The following HSPA4L variants were observed in gnomAD, a reference collection of about 807,000 sequenced individuals.
HSPA4L encodes the protein heat shock protein family A (Hsp70) member 4 like.
A neutral mutation model predicts 100.3 loss-of-function variants in HSPA4L; 48 were observed. The ratio of observed to expected loss-of-function variants is 0.48; its 90% CI spans 0.38 to 0.61. The LOEUF is 0.61. HSPA4L is among the 20% of genes least tolerant of loss of function. HSPA4L has a pLI of 0.00. For synonymous variants in HSPA4L, 319 were observed against 328.2 expected (o/e 0.97, Z 0.30); for missense variants, 886 against 988.6 (o/e 0.90, Z 1.39).
intron 4 of HSPA4L, among the ~76,000 whole-genome samples, 191 bp from the exon 5 acceptor site, chr4:127,800,947 C>T (rs896966541): frequency 2.0e-5 from 3 of 152,074 alleles, no homozygotes; most frequent in African/African-American, 7.2e-5. Context: ...AATTAGTATT[C>T]ATACTTTAGG....
intron 16 of HSPA4L, 40 bp downstream of exon 16, chr4:127,823,664 CTT>C: frequency 7.6e-7 from 1 of 1,315,508 alleles, no homozygotes; most frequent in Non-Finnish European, 1.1e-6. Context: ...AAACCAGTAA[CTT>C]TTTCTAAAAA....
intron 12 of HSPA4L, among the ~76,000 whole-genome samples, chr4:127,817,151 C>T (rs371631704): frequency 7.9e-5 from 12 of 152,012 alleles, no homozygotes; most frequent in East Asian, 5.8e-4. Flanking sequence ...CTGCAACCTC[C>T]GCCTCCCGGG....
chr4:127,818,207 C>G (rs1733721299), intron 12 of HSPA4L, 118 bp from the exon 13 acceptor site: 8 of 568,018 alleles, frequency 1.4e-5, no homozygotes, highest in Non-Finnish European at 2.5e-5. Context: ...TGAGCTTCTA[C>G]TTAACTGTTT....
At chr4:127,830,070 C>A (rs761091493) in intron 17 of HSPA4L, among the ~76,000 whole-genome samples, 7 of 152,022 alleles carry the variant, frequency 4.6e-5, no homozygotes, top group African/African-American at 7.2e-5. Context: ...AGTGTTCTTA[C>A]ATTCTCTTTC....
At chr4:127,823,708 T>C in intron 16 of HSPA4L, 84 bp downstream of exon 16, 2 of 725,754 alleles carry the variant, frequency 2.8e-6, no homozygotes, top group Non-Finnish European at 4.6e-6. Context: ...TATGTTCTAT[T>C]AATTTTTAAT....
intron 12 of HSPA4L, 30 bp downstream of exon 12, chr4:127,811,666 G>C (rs779913620): frequency 1.4e-6 from 2 of 1,456,598 alleles, no homozygotes; most frequent in Admixed American, 3.5e-5. Flanking sequence ...CAATGTTCTT[G>C]TAATAGATAG....
At position 127,822,956 on chromosome 4, in the gene HSPA4L, G is replaced by T. The variant is rs113495962; in HGVS notation, c.1938+62G>T. 89 of 1,471,300 alleles carry T rather than the reference G, an allele frequency of 6.0e-5. 3 individuals carry two copies. In the African/African-American group the frequency reaches 8.1e-4, roughly 13 times the overall value. 91.1% of individuals were successfully genotyped at this position (1,471,300 alleles called of 1,614,324 possible). On this transcript the variant is annotated intron_variant, in intron 15 of 18. Coordinates refer to ENST00000296464, the MANE Select transcript of HSPA4L (RefSeq NM_014278.4). ...TTTAAAGGTTTACTCGAGAATGCTA[G>T]TACAAATTACATAAATAAATGTACC...
Position 127,826,013 on chromosome 4 carries a change from A to G in HSPA4L, c.2047-1292A>G, listed in dbSNP as rs138303366. ...ACTGGAAATCCCAGCAGTTCCTATT[A>G]TGGATTCTTCTGCTTCAAATATGTA... On this transcript the variant is annotated intron_variant, in intron 16 of 18. Coordinates refer to ENST00000296464, the MANE Select transcript of HSPA4L (RefSeq NM_014278.4). Among the ~76,000 whole-genome samples the G allele has an allele frequency of 3.1e-3, 475 of 152,184 alleles. 4 individuals are homozygous for G. Among genetic ancestry groups the G allele is most frequent in the African/African-American group, 0.011 (459 of 41,538 alleles).
chr4:127,783,461 T>C (rs900749766), intron 1 of HSPA4L: 15 of 1,409,034 alleles, frequency 1.1e-5, no homozygotes, highest in Middle Eastern at 4.2e-4. Flanking sequence ...AGTGATTCTA[T>C]TATGAACGCT....
chr4:127,827,432 A>C lies in HSPA4L; in HGVS notation c.2166+8A>C. ...GAAGCTTATAGAAACAAGGTATTGA[A>C]TTCATAAAGCCAATTGGTGACGATG... On this transcript the variant is annotated splice_region_variant and intron_variant, in intron 17 of 18. Coordinates refer to ENST00000296464, the MANE Select transcript of HSPA4L (RefSeq NM_014278.4). 1.2e-6 allele frequency: 2 copies of C among 1,613,592 alleles called. No individual in the cohort carries two copies. Among genetic ancestry groups the C allele is most frequent in the Non-Finnish European group, 1.7e-6 (2 of 1,179,640 alleles).
chr4:127,811,680 A>G (rs370740409), intron 12 of HSPA4L, 44 bp downstream of exon 12: 49 of 1,370,450 alleles, frequency 3.6e-5, no homozygotes, highest in Non-Finnish European at 5.0e-5. Flanking sequence ...TAGATAGTGT[A>G]TACAGTATAT....
At chr4:127,805,941 C>G in intron 10 of HSPA4L, 148 bp downstream of exon 10, 1 of 496,958 alleles carries the variant, frequency 2.0e-6, no homozygotes, top group Non-Finnish European at 3.5e-6. Flanking sequence ...AATGATATAT[C>G]ACCTATAAAT....
intron 2 of HSPA4L, among the ~76,000 whole-genome samples, chr4:127,794,715 G>A (rs904101031): frequency 6.6e-6 from 1 of 151,942 alleles, no homozygotes; most frequent in Non-Finnish European, 1.5e-5. Context: ...ATATATCTGG[G>A]TCTTATATCT....
upstream of HSPA4L, chr4:127,782,043 C>A: frequency 2.2e-6 from 1 of 454,914 alleles, no homozygotes. Flanking sequence ...TACTGCCGAG[C>A]GAGGGCGAGC....
intron 16 of HSPA4L, among the ~76,000 whole-genome samples, chr4:127,825,139 CAAA>C (rs879803466): frequency 8.6e-6 from 1 of 116,300 alleles, no homozygotes; most frequent in South Asian, 2.7e-4. Flanking sequence ...GACTCCATCT[CAAA>C]AAAAAAAAAA....
At position 127,833,980 on chromosome 4, in the gene HSPA4L, A is replaced by G. The variant is rs1734149389; in HGVS notation, c.*1106A>G. On this transcript the variant is annotated 3_prime_UTR_variant, in exon 19 of 19. Coordinates refer to ENST00000296464, the MANE Select transcript of HSPA4L (RefSeq NM_014278.4). ...TTACATAGTGTTGTGTGATTAAATT[A>G]TAGTTCCTGCTGTTAACATTACCTT... is the stretch of plus-strand genomic sequence containing the variant. 1.3e-5 allele frequency: 2 copies of G among 152,188 alleles called. No individual in the cohort carries two copies. Among genetic ancestry groups the G allele is most frequent in the South Asian group, 4.1e-4 (2 of 4,832 alleles). 9.4% of individuals were successfully genotyped at this position (152,188 alleles called of 1,614,324 possible). A position where few individuals can be genotyped will look rare whatever the true frequency, so the allele number is the denominator to read the frequency against.
chr4:127,825,918 C>T (rs985313515), intron 16 of HSPA4L, among the ~76,000 whole-genome samples: 7 of 142,156 alleles, frequency 4.9e-5, no homozygotes, highest in African/African-American at 1.8e-4. Context: ...AAGAGCAAAA[C>T]TCCATCTCAA....
At position 127,836,752 on chromosome 4, in the gene HSPA4L, A is replaced by G. The variant is rs1052119474; in HGVS notation, c.*3878A>G. On this transcript the variant is annotated 3_prime_UTR_variant, in exon 19 of 19. Transcript: ENST00000296464. ...GTTTTCACCCTAAATACATACAACCATTCCTCCACTTTCATAAATTTGACA... is the reference window on the plus strand; with the variant it reads ...GTTTTCACCCTAAATACATACAACCGTTCCTCCACTTTCATAAATTTGACA... 1 of 152,172 alleles carries G rather than the reference A, an allele frequency of 6.6e-6. No homozygotes were observed. The highest frequency in any genetic ancestry group is 1.5e-5 in the Non-Finnish European group (1 of 68,028). 9.4% of individuals were successfully genotyped at this position (152,172 alleles called of 1,614,324 possible).
intron 12 of HSPA4L, chr4:127,813,440 T>A (rs1368067068): frequency 2.6e-6 from 1 of 382,064 alleles, no homozygotes; most frequent in Non-Finnish European, 4.7e-6. Context: ...CTTATTTGAA[T>A]TGAGGAAGAG....
Sources: gnomAD v4.1 joint callset for allele counts (sites outside exome capture counted in the v4.1 genomes callset) on GRCh38, gnomAD v4.1.1 for gene constraint, MANE v1.5 for transcripts, NCBI Gene and HGNC (gene_info 2026-07-23, HGNC 2026-07-21) for gene names.